SRC: variants seen among roughly 807,000 people sequenced by gnomAD.
SRC encodes the protein proto-oncogene tyrosine-protein kinase Src.
SRC carries 13 observed loss-of-function variants against 62.9 expected under a neutral mutation model. The ratio of observed to expected loss-of-function variants is 0.21; its 90% CI spans 0.13 to 0.33. The LOEUF is 0.33. Ranked by LOEUF, SRC falls within the 10% of genes least tolerant of loss-of-function variation. SRC has a pLI of 1.00. For missense variants in SRC, 457 were observed against 737.3 expected (o/e 0.62, Z 4.40); for synonymous variants, 302 against 317.5 (o/e 0.95, Z 0.52).
At chr20:37,386,662 G>C (rs549254214) in intron 5 of SRC, among the ~76,000 whole-genome samples, 4 of 152,186 alleles carry the variant, frequency 2.6e-5, no homozygotes, top group Admixed American at 1.3e-4. Context: ...CGCAGGCTGC[G>C]ATCAGGGGCC....
Position 37,396,193 on chromosome 20 carries a change from C to T in SRC, c.585C>T (p.Asp195=). 1 of 1,613,872 alleles carries T rather than the reference C, an allele frequency of 6.2e-7. No homozygotes were observed. Among genetic ancestry groups the T allele is most frequent in the East Asian group, 2.2e-5 (1 of 44,880 alleles). ...ACTGCCTCTCAGTGTCTGACTTCGA[C>T]AACGCCAAGGGCCTCAACGTGAAGC... ...GAYCLSVSDF[D]NAKGLNVKHY... The change falls in exon 8 of 14, where the codon GAC becomes GAT. Residue 195 remains aspartate, a synonymous_variant. Transcript: ENST00000373578. This position sits in a 1 kb window ranked among gnomAD's most constrained non-coding sequence, Gnocchi z 6.1.
intron 5 of SRC, among the ~76,000 whole-genome samples, chr20:37,391,655 A>G (rs1290930360): frequency 6.6e-6 from 1 of 151,982 alleles, no homozygotes; most frequent in Non-Finnish European, 1.5e-5. Flanking sequence ...GGAGTTCGAG[A>G]CCACCCTGGC....
In SRC at chr20:37,384,054, C is replaced by G; in HGVS notation, c.-4-96C>G. On this transcript the variant is annotated intron_variant, in intron 3 of 13. Transcript: ENST00000373578. The surrounding 1 kb of genome is among the most constrained non-coding windows in gnomAD (Gnocchi z 6.7). Reference sequence around the variant, plus strand: ...CCCGGCCCTGCTGCCTCTCCTTGGGCCTCGTTTTCCCTATCTGTGGAATGG... The same window carrying G: ...CCCGGCCCTGCTGCCTCTCCTTGGGGCTCGTTTTCCCTATCTGTGGAATGG... 1.3e-6 allele frequency: 2 copies of G among 1,517,790 alleles called. No individual in the cohort carries two copies. Among genetic ancestry groups the G allele is most frequent in the Non-Finnish European group, 1.8e-6 (2 of 1,136,618 alleles). The allele number at this position is 1,517,790 out of a possible 1,614,324, so 94.0% of individuals were successfully genotyped here. A position where few individuals can be genotyped will look rare whatever the true frequency, so the allele number is the denominator to read the frequency against.
chr20:37,353,661 A>T (rs2069839282), intron 1 of SRC, among the ~76,000 whole-genome samples: 1 of 152,086 alleles, frequency 6.6e-6, no homozygotes, highest in African/African-American at 2.4e-5. Flanking sequence ...TTCACCAAAG[A>T]GGAAGCTCAG....
Position 37,401,685 on chromosome 20 carries a change from C to T in SRC, c.1116+7C>T, listed in dbSNP as rs755030987. The T allele has an allele frequency of 1.9e-6, 3 of 1,604,362 alleles. No individual in the cohort carries two copies. Among genetic ancestry groups the T allele is most frequent in the East Asian group, 4.5e-5 (2 of 44,130 alleles). ...GGTGGACATGGCTGCTCAGGTGAGT[C>T]AGCCCCTCCCGCCTCCCCACACCCT... On this transcript the variant is annotated splice_region_variant and intron_variant, in intron 11 of 13. Transcript: ENST00000373578.
Position 37,402,497 on chromosome 20 carries a change from C to T in SRC, c.1179C>T (p.Ala393=), listed in dbSNP as rs1383953862. Residue 393 remains alanine, a synonymous_variant, in exon 12 of 14, where the codon GCC becomes GCT. Transcript: ENST00000373578. This position sits in a 1 kb window ranked among gnomAD's most constrained non-coding sequence, Gnocchi z 6.2. ...MNYVHRDLRA[A]NILVGENLVC... is the part of the protein sequence containing the mutation. The stretch of plus-strand genomic sequence containing the variant: ...ACGTCCACCGGGACCTTCGTGCAGC[C>T]AACATCCTGGTGGGAGAGAACCTGG... 5.0e-6 allele frequency: 8 copies of T among 1,614,052 alleles called. No individual in the cohort carries two copies. Among genetic ancestry groups the T allele is most frequent in the Non-Finnish European group, 6.8e-6 (8 of 1,180,028 alleles).
At position 37,384,065 on chromosome 20, in the gene SRC, C is replaced by G; in HGVS notation, c.-4-85C>G. 6.5e-7 allele frequency: 1 copy of G among 1,542,162 alleles called. No individual in the cohort carries two copies. Among genetic ancestry groups the G allele is most frequent in the Non-Finnish European group, 8.7e-7 (1 of 1,151,586 alleles). ...TGCCTCTCCTTGGGCCTCGTTTTCC[C>G]TATCTGTGGAATGGGTGGGAGGGAG... On this transcript the variant is annotated intron_variant, in intron 3 of 13. Coordinates refer to ENST00000373578, the MANE Select transcript of SRC (RefSeq NM_198291.3). This position sits in a 1 kb window ranked among gnomAD's most constrained non-coding sequence, Gnocchi z 6.7.
At chr20:37,353,240 GCT>G (rs1358605690) in intron 1 of SRC, among the ~76,000 whole-genome samples, 1 of 152,002 alleles carries the variant, frequency 6.6e-6, no homozygotes, top group Admixed American at 6.6e-5. Flanking sequence ...CATGCCAGGT[GCT>G]CTCTCTGCTT....
At chr20:37,366,382 C>T (rs2070061930) in intron 2 of SRC, among the ~76,000 whole-genome samples, 2 of 152,180 alleles carry the variant, frequency 1.3e-5, no homozygotes. Context: ...ATAAAATTCC[C>T]ATACCATACA....
At position 37,403,393 on chromosome 20, in the gene SRC, C is replaced by CAG. The variant is rs1275148509; in HGVS notation, c.*16_*17dup. The CAG allele has an allele frequency of 6.4e-7, 1 of 1,566,696 alleles. No individual in the cohort carries two copies. The highest frequency in any genetic ancestry group is 1.3e-5 in the African/African-American group (1 of 74,182). On this transcript the variant is annotated 3_prime_UTR_variant, in exon 14 of 14. Transcript: ENST00000373578. The surrounding 1 kb of genome is among the most constrained non-coding windows in gnomAD (Gnocchi z 7.1). Reference sequence around the variant, plus strand: ...GAGAACCTCTAGGCACAGGCGGGCCCAGACCGGCTTCTCGGCTTGGATCCT... The same window carrying CAG: ...GAGAACCTCTAGGCACAGGCGGGCCCAGAGACCGGCTTCTCGGCTTGGATCCT...
chr20:37,397,559 T>G lies in SRC; in HGVS notation c.704-140T>G. 1 of 1,171,708 alleles carries G rather than the reference T, an allele frequency of 8.5e-7. No homozygotes were observed. The highest frequency in any genetic ancestry group is 1.6e-5 in the African/African-American group (1 of 63,424). 72.6% of individuals were successfully genotyped at this position (1,171,708 alleles called of 1,614,324 possible). On this transcript the variant is annotated intron_variant, in intron 8 of 13. Transcript: ENST00000373578. The surrounding 1 kb of genome is among the most constrained non-coding windows in gnomAD (Gnocchi z 4.1). Reference sequence around the variant, plus strand: ...GGGGGTGGGGCTGTGTGCACACAGATGTAGATGCCTGGCTTTGAGGGCACC... The same window carrying G: ...GGGGGTGGGGCTGTGTGCACACAGAGGTAGATGCCTGGCTTTGAGGGCACC...
intron 2 of SRC, among the ~76,000 whole-genome samples, chr20:37,368,514 T>A (rs2070100948): frequency 7.7e-6 from 1 of 130,640 alleles, no homozygotes; most frequent in Non-Finnish European, 1.6e-5. Flanking sequence ...TATGCCTATA[T>A]TTTCTTTTTT....
chr20:37,387,207 G>A (rs1348509023), intron 5 of SRC, among the ~76,000 whole-genome samples: 3 of 152,210 alleles, frequency 2.0e-5, no homozygotes, highest in Non-Finnish European at 4.4e-5. Flanking sequence ...CTTGCCTTGC[G>A]CATGCTCTTC....
Position 37,394,276 on chromosome 20 carries a change from A to T in SRC, c.552A>T (p.Lys184Asn). Residue 184 changes from lysine (K) to asparagine (N), a missense_variant and splice_region_variant, in exon 7 of 14, where the codon AAA becomes AAT. Transcript: ENST00000373578. ...TFLVRESETT[K>N]GAYCLSVSDF... ...TCGTGCGAGAAAGTGAGACCACGAA[A>T]GGTACGAGCGCTCTTGCTGGCCAAC... The T allele has an allele frequency of 6.2e-7, 1 of 1,613,760 alleles. No homozygotes were observed. Among genetic ancestry groups the T allele is most frequent in the Non-Finnish European group, 8.5e-7 (1 of 1,179,884 alleles).
chr20:37,349,639 C>T (rs895969496), intron 1 of SRC, among the ~76,000 whole-genome samples: 6 of 152,202 alleles, frequency 3.9e-5, no homozygotes, highest in African/African-American at 4.8e-5. Context: ...ACAGGTCACT[C>T]GGCCTCTCTG....
At chr20:37,349,716 G>C (rs549354013) in intron 1 of SRC, among the ~76,000 whole-genome samples, 1 of 152,166 alleles carries the variant, frequency 6.6e-6, no homozygotes, top group East Asian at 1.9e-4. Flanking sequence ...TGAAGGTGCC[G>C]GTTGGGGCAG....
chr20:37,392,962 G>A (rs1287990299), intron 5 of SRC, among the ~76,000 whole-genome samples: 1 of 151,988 alleles, frequency 6.6e-6, no homozygotes, highest in Non-Finnish European at 1.5e-5. Flanking sequence ...CCTCCTCTGT[G>A]TCTCTGGACC....
rs2070639765 is a variant in SRC, at chr20:37,396,025, T to C, written c.554-137T>C. The C allele has an allele frequency of 7.9e-7, 1 of 1,272,456 alleles. No homozygotes were observed. Among genetic ancestry groups the C allele is most frequent in the East Asian group, 2.4e-5 (1 of 41,094 alleles). The allele number at this position is 1,272,456 out of a possible 1,614,324, so 78.8% of individuals were successfully genotyped here. On this transcript the variant is annotated intron_variant, in intron 7 of 13. Coordinates refer to ENST00000373578, the MANE Select transcript of SRC (RefSeq NM_198291.3). This position sits in a 1 kb window ranked among gnomAD's most constrained non-coding sequence, Gnocchi z 6.1. ...CTGTGGCTGCCCCGGGGCTGGCTGT[T>C]GAGAGACAGGGTGGGCCTGGGGCCC...
chr20:37,394,378 G>A, intron 7 of SRC, 101 bp downstream of exon 7: 1 of 1,021,012 alleles, frequency 9.8e-7, no homozygotes, highest in Admixed American at 1.9e-5. Context: ...GAGTAGGGAG[G>A]GAAGAACCTT....
Sources: allele counts gnomAD v4.1 joint callset (sites outside exome capture counted in the v4.1 genomes callset), GRCh38; gene constraint gnomAD v4.1.1; non-coding constraint Gnocchi (gnomAD v3.1); transcripts MANE v1.5; gene names NCBI Gene and HGNC (gene_info 2026-07-23, HGNC 2026-07-21).